ATP5MJ: variants seen among roughly 807,000 people sequenced by gnomAD.
ATP5MJ encodes the protein ATP synthase membrane subunit j, also known as ATP synthase F(0) complex subunit j, mitochondrial.
ATP5MJ carries 4 observed loss-of-function variants against 8.3 expected under a neutral mutation model. That is an observed-to-expected ratio of 0.48 (90% CI 0.24 to 1.11). ATP5MJ has a LOEUF of 1.11. ATP5MJ is among the 50% of genes least tolerant of loss of function. The pLI is 0.18. For synonymous variants in ATP5MJ, 23 were observed against 21.3 expected, an observed-to-expected ratio of 1.08 and a Z score of -0.23; for missense variants, 66 against 71.8, an observed-to-expected ratio of 0.92 and a Z score of 0.29.
intron 1 of ATP5MJ, among the ~76,000 whole-genome samples, chr14:103,920,129 CT>C (rs74373978): frequency 0.017 from 2,035 of 121,390 alleles, 11 homozygotes; most frequent in African/African-American, 0.022. Flanking sequence ...CCGGCCCCTA[CT>C]TTTTTTTTTT....
At chr14:103,914,954 C>T in intron 2 of ATP5MJ, 112 bp downstream of exon 2, 1 of 1,380,836 alleles carries the variant, frequency 7.2e-7, no homozygotes. Context: ...GTAGGTAGCT[C>T]TAATGTTCAT....
At chr14:103,912,753 AATTT>A in intron 3 of ATP5MJ, 59 bp from the exon 4 acceptor site, 2 of 1,529,300 alleles carry the variant, frequency 1.3e-6, no homozygotes, top group East Asian at 2.2e-5. Context: ...AGTTGGATGT[AATTT>A]ATTAAACAAG....
intron 1 of ATP5MJ, among the ~76,000 whole-genome samples, chr14:103,916,833 C>T (rs189802380): frequency 1.1e-4 from 17 of 152,282 alleles, no homozygotes; most frequent in Admixed American, 9.2e-4. Flanking sequence ...GCTCCTTTCA[C>T]ATCACTGCTC....
At chr14:103,919,657 C>T (rs571295506) in intron 1 of ATP5MJ, among the ~76,000 whole-genome samples, 2 of 152,168 alleles carry the variant, frequency 1.3e-5, no homozygotes, top group East Asian at 3.9e-4. Context: ...CATTGTGCTC[C>T]GGGCCCAGGC....
Position 103,912,435 on chromosome 14 carries a change from T to A in ATP5MJ, c.*231A>T. The A allele has an allele frequency of 1.9e-6, 1 of 526,134 alleles. No individual in the cohort carries two copies. Among genetic ancestry groups the A allele is most frequent in the Middle Eastern group, 2.9e-4 (1 of 3,474 alleles). 32.6% of individuals were successfully genotyped at this position (526,134 alleles called of 1,614,324 possible). On this transcript the variant is annotated 3_prime_UTR_variant, in exon 4 of 4. Transcript: ENST00000286953. ...TGAGATTCTGATTGCATGCGCTGCATGACAAATTATCTACTCAGAGTATGC... is the reference window on the plus strand; with the variant it reads ...TGAGATTCTGATTGCATGCGCTGCAAGACAAATTATCTACTCAGAGTATGC...
At chr14:103,920,332 C>T (rs1390754071) in intron 1 of ATP5MJ, among the ~76,000 whole-genome samples, 3 of 150,930 alleles carry the variant, frequency 2.0e-5, no homozygotes, top group Non-Finnish European at 4.4e-5. Flanking sequence ...CGGGGTTTCA[C>T]CGTGTTAGTC....
At chr14:103,917,214 G>C (rs929000045) in intron 1 of ATP5MJ, among the ~76,000 whole-genome samples, 3 of 152,116 alleles carry the variant, frequency 2.0e-5, no homozygotes, top group African/African-American at 7.2e-5. Context: ...AACTTAAACC[G>C]CTTAAGTTTT....
intron 2 of ATP5MJ, 42 bp downstream of exon 2, chr14:103,915,024 T>G: frequency 6.2e-7 from 1 of 1,612,202 alleles, no homozygotes; most frequent in Non-Finnish European, 8.5e-7. Flanking sequence ...TGAAAATAAT[T>G]TTCTTCCTGA....
intron 1 of ATP5MJ, among the ~76,000 whole-genome samples, chr14:103,920,300 TTTTTTGTA>T (rs2087665382): frequency 6.8e-6 from 1 of 146,604 alleles, no homozygotes; most frequent in Non-Finnish European, 1.5e-5. Flanking sequence ...ACTGGGCTAA[TTTTTTGTA>T]TTTTTGGTAA....
intron 1 of ATP5MJ, 38 bp from the exon 2 acceptor site, chr14:103,915,227 A>C: frequency 6.2e-7 from 1 of 1,604,432 alleles, no homozygotes; most frequent in Non-Finnish European, 8.5e-7. Context: ...TAGAATGATG[A>C]TTGCTTTAAA....
At chr14:103,916,768 C>T (rs1179004190) in intron 1 of ATP5MJ, among the ~76,000 whole-genome samples, 7 of 152,106 alleles carry the variant, frequency 4.6e-5, no homozygotes, top group South Asian at 2.1e-4. Flanking sequence ...AAGAACTGCG[C>T]GTTGGCTGCG....
chr14:103,921,197 A>G, intron 1 of ATP5MJ: 1 of 626,670 alleles, frequency 1.6e-6, no homozygotes, highest in South Asian at 1.9e-5. Context: ...TCTCAAGGCC[A>G]AGGTACGCTC....
At chr14:103,919,080 G>A (rs1419903167) in intron 1 of ATP5MJ, among the ~76,000 whole-genome samples, 2 of 151,882 alleles carry the variant, frequency 1.3e-5, no homozygotes, top group African/African-American at 4.8e-5. Context: ...TGCCTGGTAC[G>A]GAATAAAAAT....
At chr14:103,920,873 C>A (rs2087671596) in intron 1 of ATP5MJ, 1 of 1,096,252 alleles carries the variant, frequency 9.1e-7, no homozygotes, top group African/African-American at 1.6e-5. Flanking sequence ...ATAGGCCAAA[C>A]GTGTGTCTAC....
intron 3 of ATP5MJ, chr14:103,913,439 A>G (rs1339413530): frequency 1.2e-5 from 2 of 162,060 alleles, no homozygotes; most frequent in African/African-American, 4.8e-5. Flanking sequence ...GTGAAACCCT[A>G]TCTCTACTAA....
chr14:103,914,229 C>A (rs142886349), intron 2 of ATP5MJ: 3 of 564,956 alleles, frequency 5.3e-6, no homozygotes, highest in Non-Finnish European at 9.3e-6. Flanking sequence ...AGTCTTGCAG[C>A]ATAAAGTTTT....
chr14:103,912,812 T>C, intron 3 of ATP5MJ, 118 bp from the exon 4 acceptor site: 1 of 962,428 alleles, frequency 1.0e-6, no homozygotes, highest in Non-Finnish European at 1.6e-6. Flanking sequence ...AAATGACACC[T>C]TTCAATACTA....
intron 3 of ATP5MJ, 129 bp from the exon 4 acceptor site, chr14:103,912,823 T>G (rs1476618577): frequency 1.1e-6 from 1 of 884,162 alleles, no homozygotes; most frequent in Non-Finnish European, 1.8e-6. Flanking sequence ...TTCAATACTA[T>G]TGAAAAGTAG....
intron 1 of ATP5MJ, 180 bp downstream of exon 1, chr14:103,921,290 T>G: frequency 2.6e-6 from 1 of 390,026 alleles, no homozygotes; most frequent in Non-Finnish European, 4.7e-6. Context: ...TAGGCGATGC[T>G]TCCCTCTGGC....
Sources: gnomAD v4.1 joint callset for allele counts (sites outside exome capture counted in the v4.1 genomes callset) on GRCh38, gnomAD v4.1.1 for gene constraint, MANE v1.5 for transcripts, NCBI Gene and HGNC (gene_info 2026-07-23, HGNC 2026-07-21) for gene names.